RFX3: variants seen among roughly 807,000 people sequenced by gnomAD.
RFX3 encodes the protein regulatory factor X3.
A neutral mutation model predicts 98.6 loss-of-function variants in RFX3; 14 were observed. The ratio of observed to expected loss-of-function variants is 0.14; its 90% CI spans 0.09 to 0.22. RFX3 has a LOEUF of 0.22. RFX3 is among the 10% of genes least tolerant of loss of function. The pLI is 1.00. For missense variants in RFX3, 639 were observed against 926.9 expected, an observed-to-expected ratio of 0.69 and a Z score of 4.03; for synonymous variants, 383 against 328.4, an observed-to-expected ratio of 1.17 and a Z score of -1.80.
chr9:3,457,961 G>T (rs1477851722), intron 1 of RFX3, among the ~76,000 whole-genome samples: 1 of 152,094 alleles, frequency 6.6e-6, no homozygotes, highest in East Asian at 1.9e-4. Context: ...AGAGTACAGA[G>T]CAACTAGCTC....
chr9:3,398,831 C>G (rs533978451), intron 1 of RFX3, among the ~76,000 whole-genome samples: 3 of 142,852 alleles, frequency 2.1e-5, no homozygotes, highest in South Asian at 4.5e-4. Flanking sequence ...GAAAAAAGTT[C>G]TCTTTAAAAA....
chr9:3,412,159 A>C (rs1842514600), intron 1 of RFX3, among the ~76,000 whole-genome samples: 1 of 152,170 alleles, frequency 6.6e-6, no homozygotes, highest in African/African-American at 2.4e-5. Context: ...TGTACTTTCC[A>C]AAGTACAGTA....
intron 3 of RFX3, chr9:3,344,795 G>A (rs1224535688): frequency 1.4e-6 from 1 of 702,906 alleles, no homozygotes; most frequent in African/African-American, 1.8e-5. Context: ...CGAAGTGGCA[G>A]GCGTCTTTTT....
In RFX3 at chr9:3,346,749, T is replaced by C; in HGVS notation, c.133A>G (p.Thr45Ala). 6.2e-7 allele frequency: 1 copy of C among 1,612,996 alleles called. No individual in the cohort carries two copies. The highest frequency in any genetic ancestry group is 8.5e-7 in the Non-Finnish European group (1 of 1,179,048). ...TAGACATGTTGTACCTGCTGCACAG[T>C]CTGTACCTGCTGTACCTGAAAAACA... ...PVQQQVQQVQTVQQVQHVYPA... is the reference protein window; with the variant it reads ...PVQQQVQQVQAVQQVQHVYPA... The change falls in exon 3 of 17, where the codon ACT becomes GCT. Residue 45 changes from threonine to alanine, a missense_variant. Physicochemically the swap from Thr to Ala is moderately conservative, Grantham distance 58. This residue lies in a region of RFX3 where 210 missense variants were observed against 197.7 expected (regional missense o/e 1.06). Transcript: ENST00000617270.
intron 1 of RFX3, among the ~76,000 whole-genome samples, chr9:3,516,997 G>C (rs1281391723): frequency 6.6e-6 from 1 of 152,176 alleles, no homozygotes; most frequent in Non-Finnish European, 1.5e-5. Flanking sequence ...CTTTGCTATA[G>C]GTATGGCCAT....
At chr9:3,339,472 G>A (rs1203764571) in intron 3 of RFX3, among the ~76,000 whole-genome samples, 2 of 152,162 alleles carry the variant, frequency 1.3e-5, no homozygotes, top group East Asian at 1.9e-4. Flanking sequence ...AAATAAGAAA[G>A]CTGTGTGAAT....
In RFX3 at chr9:3,525,964, G is replaced by A. The variant is rs1564207183; in HGVS notation, c.-226C>T. Reference sequence around the variant, plus strand: ...AGGGAGAGAGAGAGAGAGCGAGAGGGAGAGGGAGACACTCGCACGGGGAGG... The same window carrying A: ...AGGGAGAGAGAGAGAGAGCGAGAGGAAGAGGGAGACACTCGCACGGGGAGG... On this transcript the variant is annotated 5_prime_UTR_variant, in exon 1 of 17. Coordinates refer to ENST00000617270, the MANE Select transcript of RFX3 (RefSeq NM_001282116.2). The A allele has an allele frequency of 2.9e-6, 1 of 341,228 alleles. No homozygotes were observed. The highest frequency in any genetic ancestry group is 4.1e-6 in the Non-Finnish European group (1 of 243,906). The allele number at this position is 341,228 out of a possible 1,614,324, so 21.1% of individuals were successfully genotyped here. A position where few individuals can be genotyped will look rare whatever the true frequency, so the allele number is the denominator to read the frequency against.
chr9:3,338,350 A>G (rs188003989), intron 3 of RFX3, among the ~76,000 whole-genome samples: 1 of 152,342 alleles, frequency 6.6e-6, no homozygotes. Flanking sequence ...AAATGCAAGA[A>G]TAAATGTTAA....
At chr9:3,477,377 C>T (rs1024106304) in intron 1 of RFX3, among the ~76,000 whole-genome samples, 7 of 152,134 alleles carry the variant, frequency 4.6e-5, no homozygotes, top group South Asian at 2.1e-4. Flanking sequence ...TCTTAGAGTT[C>T]GTGAGAATCC....
intron 6 of RFX3, among the ~76,000 whole-genome samples, chr9:3,289,357 G>A (rs1297259945): frequency 1.3e-5 from 2 of 152,024 alleles, no homozygotes; most frequent in African/African-American, 4.8e-5. Flanking sequence ...ATACCTACAT[G>A]CTTTCAGCAC....
chr9:3,322,501 G>A (rs913290407), intron 4 of RFX3, among the ~76,000 whole-genome samples: 1 of 152,168 alleles, frequency 6.6e-6, no homozygotes, highest in African/African-American at 2.4e-5. Flanking sequence ...GGAGGCCGAG[G>A]CAGGTGGATC....
intron 2 of RFX3, among the ~76,000 whole-genome samples, chr9:3,356,205 G>T (rs1257807301): frequency 2.0e-5 from 3 of 148,894 alleles, no homozygotes; most frequent in African/African-American, 7.4e-5. Flanking sequence ...AGGAAAGAAG[G>T]AAAGAAGTTA....
chr9:3,391,151 T>G (rs2131858582), intron 2 of RFX3, among the ~76,000 whole-genome samples: 1 of 152,226 alleles, frequency 6.6e-6, no homozygotes, highest in Non-Finnish European at 1.5e-5. Context: ...TTAAAGGCAT[T>G]TTACTATAGT....
At chr9:3,384,253 G>A (rs544381851) in intron 2 of RFX3, among the ~76,000 whole-genome samples, 67 of 152,214 alleles carry the variant, frequency 4.4e-4, no homozygotes, top group African/African-American at 1.0e-3. Flanking sequence ...TACATATTGA[G>A]CATTTACTAC....
At chr9:3,298,264 T>A (rs1828235905) in intron 5 of RFX3, among the ~76,000 whole-genome samples, 1 of 151,844 alleles carries the variant, frequency 6.6e-6, no homozygotes, top group Non-Finnish European at 1.5e-5. Flanking sequence ...GAAGGCTGCA[T>A]ATAGAGAAAT....
rs763744073 is a variant in RFX3, at chr9:3,277,474, G to C, written c.852-13C>G. On this transcript the variant is annotated splice_polypyrimidine_tract_variant and intron_variant, in intron 7 of 16. Transcript: ENST00000617270. ...CATAGGCTTGTACCTAAAAATATTA[G>C]ATGGAAAAAAACAAATAAACCAAAT... 3 of 1,608,544 alleles carry C rather than the reference G, an allele frequency of 1.9e-6. No homozygotes were observed. The highest frequency in any genetic ancestry group is 1.7e-5 in the Admixed American group (1 of 59,546).
intron 15 of RFX3, among the ~76,000 whole-genome samples, chr9:3,235,418 T>C (rs1280737478): frequency 6.6e-6 from 1 of 152,186 alleles, no homozygotes; most frequent in East Asian, 1.9e-4. Flanking sequence ...ATGAGCAATA[T>C]TCATTCAGAG....
intron 1 of RFX3, among the ~76,000 whole-genome samples, chr9:3,462,754 T>C (rs1273713790): frequency 6.6e-6 from 1 of 152,134 alleles, no homozygotes; most frequent in African/African-American, 2.4e-5. Flanking sequence ...CTAGTCATAT[T>C]GTATTTAAAT....
chr9:3,507,224 C>T (rs1456604503), intron 1 of RFX3, among the ~76,000 whole-genome samples: 1 of 151,804 alleles, frequency 6.6e-6, no homozygotes, highest in African/African-American at 2.4e-5. Context: ...ATGAACCCAT[C>T]AAGTTAGGGA....
Sources: allele counts gnomAD v4.1 joint callset (sites outside exome capture counted in the v4.1 genomes callset), GRCh38; gene constraint gnomAD v4.1.1; regional missense constraint gnomAD v4.1.1; transcripts MANE v1.5; gene names NCBI Gene and HGNC (gene_info 2026-07-23, HGNC 2026-07-21).